Variants in ZNF568 observed in about 807,000 individuals in gnomAD.
The protein encoded by ZNF568 is zinc finger protein 568.
Under a neutral mutation model 18.1 loss-of-function variants are expected in ZNF568, and 11 were observed. The ratio of observed to expected loss-of-function variants is 0.61; its 90% CI spans 0.38 to 1.00. ZNF568 has a LOEUF of 1.00. Ranked by LOEUF, ZNF568 falls within the 50% of genes least tolerant of loss-of-function variation. The pLI is 0.01. For missense variants in ZNF568, 639 were observed against 768.2 expected (o/e 0.83, Z 1.99); for synonymous variants, 213 against 246.6 (o/e 0.86, Z 1.28).
chr19:36,956,592 T>A (rs868610877), downstream of ZNF568, among the ~76,000 whole-genome samples: 1 of 146,378 alleles, frequency 6.8e-6, no homozygotes, highest in African/African-American at 2.5e-5. Context: ...AATTGAAATT[T>A]AAAAAAAACT....
At chr19:36,920,754 A>G (rs1048444760) in intron 2 of ZNF568, among the ~76,000 whole-genome samples, 1 of 151,546 alleles carries the variant, frequency 6.6e-6, no homozygotes, top group African/African-American at 2.4e-5. Flanking sequence ...AGTCTACAGT[A>G]GTGTACAGTA....
Position 36,937,097 on chromosome 19 carries a change from T to C in ZNF568, c.263-50T>C, listed in dbSNP as rs773206544. ...GCTTGGACTTAGCCTAAGATCTGAA[T>C]GGTTGTCTCCAGCATTGACATCCAC... On this transcript the variant is annotated intron_variant, in intron 5 of 6. Transcript: ENST00000333987. 18 of 1,572,524 alleles carry C rather than the reference T, an allele frequency of 1.1e-5. No individual in the cohort carries two copies. In the African/African-American group the frequency reaches 2.4e-4, roughly 21 times the overall value.
chr19:36,973,010 T>G (rs1394922668), intron 6 of ZNF568, among the ~76,000 whole-genome samples: 1 of 152,214 alleles, frequency 6.6e-6, no homozygotes, highest in Non-Finnish European at 1.5e-5. Flanking sequence ...GTTTGCCCAG[T>G]TCCTGGGAGG....
chr19:36,997,515 T>C, downstream of ZNF568: 1 of 1,587,078 alleles, frequency 6.3e-7, no homozygotes, highest in Non-Finnish European at 8.5e-7. Flanking sequence ...AACTCACACA[T>C]CATGAGAGAA....
chr19:36,941,983 AT>A lies in ZNF568; in HGVS notation c.358+4758del, dbSNP rs4006373. ...AACAAATGTTTATACTGCTCTGTAA[AT>A]TTTTTTTTTTTTTTTTGAGACAGAG... On this transcript the variant is annotated intron_variant, in intron 6 of 6. Transcript: ENST00000333987. 2.6e-3 allele frequency among the ~76,000 whole-genome samples: 360 copies of A among 138,130 alleles called. 2 individuals carry two copies. Among genetic ancestry groups the A allele is most frequent in the Middle Eastern group, 7.5e-3 (2 of 268 alleles). The allele number at this position is 138,130 out of a possible 152,430, so 90.6% of individuals were successfully genotyped here.
At chr19:36,954,068 A>T (rs1246372916), downstream of ZNF568, among the ~76,000 whole-genome samples, 1 of 151,950 alleles carries the variant, frequency 6.6e-6, no homozygotes, top group Non-Finnish European at 1.5e-5. Context: ...TACTAAAAAT[A>T]CAAAAATTAG....
rs10616521 is a variant in ZNF568, at chr19:36,945,210, A to AGTGTGTGT, written c.359-4267_359-4260dup. 4.8e-3 allele frequency among the ~76,000 whole-genome samples: 680 copies of AGTGTGTGT among 141,946 alleles called. 1 individual carries two copies. Among genetic ancestry groups the AGTGTGTGT allele is most frequent in the African/African-American group, 8.0e-3 (304 of 37,940 alleles). The allele number at this position is 141,946 out of a possible 152,430, so 93.1% of individuals were successfully genotyped here. On this transcript the variant is annotated intron_variant, in intron 6 of 6. Transcript: ENST00000333987. ...GGATGGGAAGAGAGACAGAGAGAGAAGTGTGTGTGTGTGTGTGTGTGTGTG... is the reference window on the plus strand; with the variant it reads ...GGATGGGAAGAGAGACAGAGAGAGAAGTGTGTGTGTGTGTGTGTGTGTGTGTGTGTGTG...
At chr19:36,949,280 C>T (rs969427212) in intron 6 of ZNF568, among the ~76,000 whole-genome samples, 1 of 152,182 alleles carries the variant, frequency 6.6e-6, no homozygotes, top group African/African-American at 2.4e-5. Flanking sequence ...CTTTAAAAAT[C>T]AGTCAAGGCT....
intron 4 of ZNF568, among the ~76,000 whole-genome samples, chr19:36,930,933 AT>A (rs765124139): frequency 1.3e-5 from 2 of 152,026 alleles, no homozygotes; most frequent in African/African-American, 4.8e-5. Context: ...GTATTTCAGC[AT>A]TTTTTTTCAG....
chr19:36,992,322 T>C (rs915391258), intron 4 of ZNF568, among the ~76,000 whole-genome samples: 2 of 149,590 alleles, frequency 1.3e-5, no homozygotes, highest in Non-Finnish European at 3.0e-5. Context: ...GCCAACATGG[T>C]GAAACCCCAT....
chr19:36,973,121 G>A (rs2074250265), intron 6 of ZNF568: 1 of 152,362 alleles, frequency 6.6e-6, no homozygotes, highest in African/African-American at 2.4e-5. Flanking sequence ...CCAGGCCCCG[G>A]GTGGCGCACC....
intron 4 of ZNF568, among the ~76,000 whole-genome samples, chr19:36,929,584 C>T (rs2073646158): frequency 6.6e-6 from 1 of 151,292 alleles, no homozygotes. Flanking sequence ...ACTTGGGAGG[C>T]TGAGGCAGGA....
chr19:36,988,310 C>T (rs577253379), intron 2 of ZNF568, among the ~76,000 whole-genome samples: 1 of 152,210 alleles, frequency 6.6e-6, no homozygotes, highest in African/African-American at 2.4e-5. Flanking sequence ...TCCCTTCTCG[C>T]ATGCTATAAA....
exon 8 of ZNF568, chr19:36,979,129 A>C (rs542742240): frequency 1.5e-4 from 38 of 246,990 alleles, no homozygotes; most frequent in African/African-American, 8.5e-4. Flanking sequence ...GATTACAGGC[A>C]TGTGTCACCA....
intron 2 of ZNF568, among the ~76,000 whole-genome samples, chr19:36,988,339 GA>G (rs2074394339): frequency 6.6e-6 from 1 of 152,062 alleles, no homozygotes; most frequent in Non-Finnish European, 1.5e-5. Flanking sequence ...TGAGACTGGG[GA>G]TTTTATAAAG....
At chr19:36,995,288 A>G (rs576930349) in intron 4 of ZNF568, among the ~76,000 whole-genome samples, 1 of 152,088 alleles carries the variant, frequency 6.6e-6, no homozygotes, top group East Asian at 1.9e-4. Context: ...AGTCACAGCT[A>G]CTCAGGAGGC....
At position 36,950,961 on chromosome 19, in the gene ZNF568, T is replaced by C; in HGVS notation, c.1808T>C (p.Ile603Thr). 6.2e-7 allele frequency: 1 copy of C among 1,613,772 alleles called. No homozygotes were observed. Among genetic ancestry groups the C allele is most frequent in the Non-Finnish European group, 8.5e-7 (1 of 1,179,912 alleles). Reference protein sequence around the residue: ...KAFSQCSLLIIHMRSHTGEKP... With the variant: ...KAFSQCSLLITHMRSHTGEKP... ...TTTTCTCAGTGCTCATTACTTATTA[T>C]ACATATGAGAAGTCATACTGGTGAG... is the stretch of plus-strand genomic sequence containing the variant. The change falls in exon 7 of 7, where the codon ATA (isoleucine) becomes ACA (threonine). Residue 603 changes from isoleucine to threonine, a missense_variant. Physicochemically the swap from Ile to Thr is moderately conservative, Grantham distance 89. Coordinates refer to ENST00000333987, the MANE Select transcript of ZNF568 (RefSeq NM_198539.4).
intron 6 of ZNF568, among the ~76,000 whole-genome samples, chr19:36,970,652 T>G (rs573465940): frequency 2.0e-5 from 3 of 152,214 alleles, no homozygotes; most frequent in East Asian, 3.9e-4. Flanking sequence ...TTTAATAAAT[T>G]TTATGCCACT....
In ZNF568 at chr19:36,918,335, C is replaced by T. The variant is rs561078056; in HGVS notation, c.-186+687C>T. ...ATCCAGGAGGGGTTGGTTTCAAGAC[C>T]CCCCATGGATACCAGAATCCACAGA... is the stretch of plus-strand genomic sequence containing the variant. On this transcript the variant is annotated intron_variant, in intron 2 of 6. Transcript: ENST00000333987. Among the ~76,000 whole-genome samples, 3 of 152,216 alleles carry T rather than the reference C, an allele frequency of 2.0e-5. No homozygotes were observed. The South Asian group carries it at 6.2e-4, about 32-fold the overall frequency.
Sources: allele counts gnomAD v4.1 joint callset (sites outside exome capture counted in the v4.1 genomes callset), GRCh38; gene constraint gnomAD v4.1.1; transcripts MANE v1.5; gene names NCBI Gene and HGNC (gene_info 2026-07-23, HGNC 2026-07-21).